ZNF251: variants seen among roughly 807,000 people sequenced by gnomAD.
ZNF251 encodes zinc finger protein 251.
Under a neutral mutation model 13.5 loss-of-function variants are expected in ZNF251, and 14 were observed. The ratio of observed to expected loss-of-function variants is 1.04; its 90% CI spans 0.69 to 1.63. The LOEUF (loss-of-function observed/expected upper bound fraction) is 1.63, where lower values mean the gene tolerates loss of function less well. Ranked by LOEUF, ZNF251 falls within the 40% of genes most tolerant of loss-of-function variation. ZNF251 has a pLI of 0.00. For missense variants in ZNF251, 764 were observed against 834.9 expected (o/e 0.92, Z 1.05); for synonymous variants, 287 against 295.2 (o/e 0.97, Z 0.28).
chr8:144,751,777 G>C (rs1046394323), intron 4 of ZNF251, among the ~76,000 whole-genome samples: 1 of 152,066 alleles, frequency 6.6e-6, no homozygotes, highest in African/African-American at 2.4e-5. Flanking sequence ...AAGATTGTTA[G>C]GATGAAGAAA....
chr8:144,726,071 C>T (rs773680877), intron 4 of ZNF251, among the ~76,000 whole-genome samples: 2 of 151,666 alleles, frequency 1.3e-5, no homozygotes, highest in Admixed American at 6.6e-5. Flanking sequence ...ATGATCCTCA[C>T]CTGTAGTCCT....
chr8:144,744,907 C>A (rs1407795823), intron 4 of ZNF251, among the ~76,000 whole-genome samples: 1 of 152,096 alleles, frequency 6.6e-6, no homozygotes, highest in Non-Finnish European at 1.5e-5. Flanking sequence ...AGTACAAAAA[C>A]CAGCTGGGCG....
In ZNF251 at chr8:144,722,508, C is replaced by T; in HGVS notation, c.1152G>A (p.Lys384=). The T allele has an allele frequency of 1.2e-6, 2 of 1,613,856 alleles. No individual in the cohort carries two copies. The highest frequency in any genetic ancestry group is 1.1e-5 in the South Asian group (1 of 91,066). The change falls in exon 5 of 5, where the codon AAG becomes AAA. Residue 384 remains lysine, a synonymous_variant. Coordinates refer to ENST00000292562, the MANE Select transcript of ZNF251 (RefSeq NM_138367.2). This position sits in a 1 kb window ranked among gnomAD's most constrained non-coding sequence, Gnocchi z 4.8. ...EKPHKCNQCG[K]AFSQSSSLFL... ...AAAGGCTTGAGCTCTGACTGAAGGC[C>T]TTCCCACACTGATTGCATTTATGGG...
chr8:144,728,050 C>T (rs1400947804), intron 4 of ZNF251, among the ~76,000 whole-genome samples: 3 of 152,178 alleles, frequency 2.0e-5, no homozygotes, highest in African/African-American at 2.4e-5. Context: ...CAGTTTTCAC[C>T]GCACCTTCCT....
chr8:144,730,805 T>G (rs1206676487), intron 4 of ZNF251, among the ~76,000 whole-genome samples: 1 of 152,146 alleles, frequency 6.6e-6, no homozygotes, highest in East Asian at 1.9e-4. Context: ...CACTCGAAAC[T>G]TCTAATGCAG....
Position 144,734,439 on chromosome 8 carries a change from C to T in ZNF251, c.278-11057G>A, listed in dbSNP as rs1163331999. The stretch of plus-strand genomic sequence containing the variant: ...CCTGAGCACCCGGTTCCTGCCCCAC[C>T]GGACGCTGGAGGCCTCCACCTGGCT... On this transcript the variant is annotated intron_variant, in intron 4 of 4. Transcript: ENST00000292562. This position sits in a 1 kb window ranked among gnomAD's most constrained non-coding sequence, Gnocchi z 4.4. Among the ~76,000 whole-genome samples, 3 of 152,222 alleles carry T rather than the reference C, an allele frequency of 2.0e-5. No individual in the cohort carries two copies. The highest frequency in any genetic ancestry group is 4.4e-5 in the Non-Finnish European group (3 of 68,036).
chr8:144,747,001 A>G (rs1437995724), intron 4 of ZNF251, among the ~76,000 whole-genome samples: 2 of 151,926 alleles, frequency 1.3e-5, no homozygotes, highest in African/African-American at 4.8e-5. Context: ...TCTTCTGCTT[A>G]CTTTGTATTT....
chr8:144,747,962 C>T (rs569931415), intron 4 of ZNF251, among the ~76,000 whole-genome samples: 4 of 152,158 alleles, frequency 2.6e-5, no homozygotes, highest in African/African-American at 7.2e-5. Context: ...CAGCCTGGAG[C>T]GCAGTGACGT....
intron 4 of ZNF251, among the ~76,000 whole-genome samples, chr8:144,726,546 T>C (rs1823522196): frequency 6.8e-6 from 1 of 147,658 alleles, no homozygotes; most frequent in Non-Finnish European, 1.5e-5. Flanking sequence ...AAAATAATAA[T>C]AATAATAAAA....
At chr8:144,743,939 T>C (rs1824287472) in intron 4 of ZNF251, among the ~76,000 whole-genome samples, 1 of 152,084 alleles carries the variant, frequency 6.6e-6, no homozygotes, top group African/African-American at 2.4e-5. Context: ...TTTTGGATAA[T>C]GGTCATTTAT....
At chr8:144,755,042 C>G in intron 1 of ZNF251, 1 of 1,358,926 alleles carries the variant, frequency 7.4e-7, no homozygotes, top group Non-Finnish European at 9.5e-7. Flanking sequence ...TTCCCGTGGT[C>G]CAGACCTGCT....
chr8:144,754,982 A>AGAGCCC, intron 1 of ZNF251, 179 bp from the exon 2 acceptor site: 23 of 1,401,176 alleles, frequency 1.6e-5, no homozygotes, highest in Non-Finnish European at 2.0e-5. Context: ...GGCCAGAGCC[A>AGAGCCC]GAGCCCGGGG....
chr8:144,753,115 T>TA lies in ZNF251; in HGVS notation c.277+567dup, dbSNP rs199990947. On this transcript the variant is annotated intron_variant, in intron 4 of 4. Coordinates refer to ENST00000292562, the MANE Select transcript of ZNF251 (RefSeq NM_138367.2). Reference sequence around the variant, plus strand: ...TGGTGAAACCTTGTCTCAACAAAAATAAAAAAAAAACTAGCCAGGTATGGT... The same window carrying TA: ...TGGTGAAACCTTGTCTCAACAAAAATAAAAAAAAAAACTAGCCAGGTATGGT... 5.6e-3 allele frequency among the ~76,000 whole-genome samples: 808 copies of TA among 144,932 alleles called. 7 individuals are homozygous for TA. Among genetic ancestry groups the TA allele is most frequent in the African/African-American group, 0.019 (747 of 39,642 alleles).
intron 4 of ZNF251, among the ~76,000 whole-genome samples, chr8:144,748,271 A>G (rs1824522204): frequency 6.6e-6 from 1 of 150,664 alleles, no homozygotes; most frequent in Non-Finnish European, 1.5e-5. Flanking sequence ...ATGGGGTTTC[A>G]TCATGTTGGC....
chr8:144,749,916 G>A lies in ZNF251; in HGVS notation c.277+3767C>T, dbSNP rs1433191090. 2.2e-4 allele frequency among the ~76,000 whole-genome samples: 30 copies of A among 136,400 alleles called. No homozygotes were observed. The Admixed American group carries it at 2.3e-3, about 10-fold the overall frequency. 89.5% of individuals were successfully genotyped at this position (136,400 alleles called of 152,430 possible). On this transcript the variant is annotated intron_variant, in intron 4 of 4. Coordinates refer to ENST00000292562, the MANE Select transcript of ZNF251 (RefSeq NM_138367.2). Reference sequence around the variant, plus strand: ...TTTTTTTTTTAAGAAAGATGATCTCGCTATGCTGCCTAGGCTGGCCTTGAA... The same window carrying A: ...TTTTTTTTTTAAGAAAGATGATCTCACTATGCTGCCTAGGCTGGCCTTGAA...
rs1394860764 is a variant in ZNF251, at chr8:144,721,517, T to A, written c.*127A>T. 1.1e-5 allele frequency: 11 copies of A among 968,566 alleles called. No individual in the cohort carries two copies. The highest frequency in any genetic ancestry group is 1.5e-5 in the Non-Finnish European group (11 of 742,652). The allele number at this position is 968,566 out of a possible 1,614,324, so 60.0% of individuals were successfully genotyped here. A position where few individuals can be genotyped will look rare whatever the true frequency, so the allele number is the denominator to read the frequency against. On this transcript the variant is annotated 3_prime_UTR_variant, in exon 5 of 5. Transcript: ENST00000292562. ...CTTCCAGATTTAATGACTTTGACTT[T>A]AGTAGTCATCTGAACTATTTATTTT...
In ZNF251 at chr8:144,723,186, G is replaced by A. The variant is rs1003666773; in HGVS notation, c.474C>T (p.Pro158=). 6.2e-7 allele frequency: 1 copy of A among 1,611,920 alleles called. No individual in the cohort carries two copies. The highest frequency in any genetic ancestry group is 1.7e-5 in the Admixed American group (1 of 59,512). The change falls in exon 5 of 5, where the codon CCC becomes CCT. Residue 158 remains proline (P), a synonymous_variant. Transcript: ENST00000292562. ...GNSAGQSLNK[P]NIHKRVLTEA... Reference sequence around the variant, plus strand: ...CTGTTAAAACTCTCTTGTGAATATTGGGTTTGTTCAAACTCTGCCCGGCAG... The same window carrying A: ...CTGTTAAAACTCTCTTGTGAATATTAGGTTTGTTCAAACTCTGCCCGGCAG...
At chr8:144,752,208 ACT>A (rs1824732202) in intron 4 of ZNF251, among the ~76,000 whole-genome samples, 1 of 152,054 alleles carries the variant, frequency 6.6e-6, no homozygotes, top group Non-Finnish European at 1.5e-5. Context: ...CCTTGACTTA[ACT>A]GATATTTATC....
At chr8:144,744,282 C>T (rs1289716022) in intron 4 of ZNF251, among the ~76,000 whole-genome samples, 4 of 151,962 alleles carry the variant, frequency 2.6e-5, no homozygotes, top group Non-Finnish European at 4.4e-5. Context: ...AAAGTTGATG[C>T]CGTCTTTTAC....
Sources: allele counts gnomAD v4.1 joint callset (sites outside exome capture counted in the v4.1 genomes callset), GRCh38; gene constraint gnomAD v4.1.1; non-coding constraint Gnocchi (gnomAD v3.1); transcripts MANE v1.5; gene names NCBI Gene and HGNC (gene_info 2026-07-23, HGNC 2026-07-21).